ANO4: variants seen among roughly 807,000 people sequenced by gnomAD.
ANO4 encodes anoctamin 4.
Under a neutral mutation model 141.9 loss-of-function variants are expected in ANO4, and 69 were observed. That is an observed-to-expected ratio of 0.49 (90% CI 0.40 to 0.59). The LOEUF is 0.59. Ranked by LOEUF, ANO4 falls within the 20% of genes least tolerant of loss-of-function variation. The pLI, the probability that ANO4 is intolerant of heterozygous loss-of-function variation, is 0.00. For missense variants in ANO4, 894 were observed against 1,162.2 expected (o/e 0.77, Z 3.36); for synonymous variants, 350 against 394.3 (o/e 0.89, Z 1.33).
At chr12:100,852,041 A>G (rs1425812980) in intron 1 of ANO4, among the ~76,000 whole-genome samples, 1 of 152,128 alleles carries the variant, frequency 6.6e-6, no homozygotes, top group East Asian at 1.9e-4. Flanking sequence ...TTTACTCTTA[A>G]TGACACAGGA....
intron 8 of ANO4, among the ~76,000 whole-genome samples, chr12:101,001,056 T>A (rs2045615027): frequency 6.6e-6 from 1 of 152,250 alleles, no homozygotes; most frequent in Admixed American, 6.5e-5. Context: ...TGTATATTTA[T>A]GTGTGCATGT....
At chr12:100,958,130 C>T (rs559374057) in intron 5 of ANO4, among the ~76,000 whole-genome samples, 531 of 152,288 alleles carry the variant, frequency 3.5e-3, no homozygotes, top group Non-Finnish European at 5.5e-3. Flanking sequence ...ACTTATTTGC[C>T]GGGCAAAGCC....
chr12:101,049,588 AG>A (rs1466261782), intron 14 of ANO4, among the ~76,000 whole-genome samples: 2 of 151,786 alleles, frequency 1.3e-5, no homozygotes, highest in African/African-American at 4.8e-5. Flanking sequence ...GATGGATGGA[AG>A]GAAAGAAGGA....
intron 2 of ANO4, among the ~76,000 whole-genome samples, chr12:100,920,707 G>A (rs2041590505): frequency 6.6e-6 from 1 of 152,150 alleles, no homozygotes; most frequent in African/African-American, 2.4e-5. Context: ...TTAAATAGCA[G>A]TTCTTGACAG....
Position 101,086,737 on chromosome 12 carries a change from G to A in ANO4, c.1614G>A (p.Lys538=), listed in dbSNP as rs538206224. 6.2e-7 allele frequency: 1 copy of A among 1,613,868 alleles called. No individual in the cohort carries two copies. Among genetic ancestry groups the A allele is most frequent in the African/African-American group, 1.3e-5 (1 of 75,014 alleles). Residue 538 remains lysine, a synonymous_variant, in exon 17 of 28, where the codon AAG becomes AAA. Coordinates refer to ENST00000392977, the MANE Select transcript of ANO4 (RefSeq NM_001286615.2). The stretch of plus-strand genomic sequence containing the variant: ...CTGTCAGCACTTTCGCTGCCTTTAA[G>A]TGGGCGTTAATCAGGAATAACTCTC... ...VVTVSTFAAF[K]WALIRNNSQV...
chr12:100,882,556 T>G (rs1269183735), intron 1 of ANO4, among the ~76,000 whole-genome samples: 1 of 152,180 alleles, frequency 6.6e-6, no homozygotes, highest in Non-Finnish European at 1.5e-5. Context: ...AACGATGATA[T>G]CTCAGTATGA....
chr12:100,848,075 A>C (rs1244185723), intron 1 of ANO4, among the ~76,000 whole-genome samples: 1 of 152,238 alleles, frequency 6.6e-6, no homozygotes, highest in Admixed American at 6.5e-5. Context: ...GACTTAAAAT[A>C]ATCAAAGTAA....
At chr12:100,855,267 T>C (rs2038104382) in intron 1 of ANO4, among the ~76,000 whole-genome samples, 1 of 152,178 alleles carries the variant, frequency 6.6e-6, no homozygotes, top group Admixed American at 6.5e-5. Flanking sequence ...TTATTGTCAA[T>C]AACTTCTACT....
chr12:100,902,067 A>G (rs2040620131), intron 2 of ANO4, among the ~76,000 whole-genome samples: 1 of 152,228 alleles, frequency 6.6e-6, no homozygotes, highest in Non-Finnish European at 1.5e-5. Context: ...CTATGTGCAC[A>G]GTGGTAGAAT....
chr12:100,733,244 A>G (rs1225087994), intron 1 of ANO4, among the ~76,000 whole-genome samples: 1 of 152,124 alleles, frequency 6.6e-6, no homozygotes, highest in African/African-American at 2.4e-5. Context: ...CTCTTACTGC[A>G]TTCAGCTGCT....
intron 1 of ANO4, among the ~76,000 whole-genome samples, chr12:100,729,051 A>C (rs2031261666): frequency 6.6e-6 from 1 of 151,588 alleles, no homozygotes; most frequent in South Asian, 2.1e-4. Context: ...GCTTTTCTTT[A>C]TAGTTTTACC....
intron 14 of ANO4, among the ~76,000 whole-genome samples, chr12:101,059,994 C>T (rs2048283113): frequency 6.6e-6 from 1 of 152,196 alleles, no homozygotes; most frequent in Admixed American, 6.5e-5. Context: ...ATAGATCTTT[C>T]CCGCTTTCTC....
intron 6 of ANO4, among the ~76,000 whole-genome samples, chr12:100,973,685 T>C (rs891734066): frequency 6.6e-6 from 1 of 152,252 alleles, no homozygotes; most frequent in African/African-American, 2.4e-5. Context: ...TTGTTAAAGT[T>C]GGTGGACCAA....
At chr12:101,101,181 T>C (rs1176708618) in intron 22 of ANO4, among the ~76,000 whole-genome samples, 1 of 152,166 alleles carries the variant, frequency 6.6e-6, no homozygotes, top group East Asian at 1.9e-4. Context: ...GACTTCTTTG[T>C]CCCCTCTTCC....
chr12:100,883,644 C>T lies in ANO4; in HGVS notation c.-140-18002C>T, dbSNP rs1025216374. 2.0e-5 allele frequency among the ~76,000 whole-genome samples: 3 copies of T among 152,238 alleles called. No individual in the cohort carries two copies. In the East Asian group the frequency reaches 5.8e-4, roughly 29 times the overall value. ...TCCTGATCTTGCTGTTCCACATTTA[C>T]TAAATTAGGTACTGGCAAAATGTGA... On this transcript the variant is annotated intron_variant, in intron 1 of 27. Coordinates refer to ENST00000392977, the MANE Select transcript of ANO4 (RefSeq NM_001286615.2).
intron 1 of ANO4, among the ~76,000 whole-genome samples, chr12:100,864,599 G>C (rs1458861783): frequency 5.9e-5 from 9 of 152,040 alleles, no homozygotes; most frequent in South Asian, 2.1e-4. Flanking sequence ...CCCACACACA[G>C]ACACCTTTCA....
chr12:101,114,414 T>A (rs1264241455), intron 24 of ANO4, among the ~76,000 whole-genome samples: 3 of 152,166 alleles, frequency 2.0e-5, no homozygotes, highest in African/African-American at 7.2e-5. Context: ...CTGTACTAGG[T>A]ACACATTTAA....
intron 3 of ANO4, among the ~76,000 whole-genome samples, chr12:100,771,985 T>C (rs1299475387): frequency 3.3e-5 from 5 of 152,146 alleles, no homozygotes; most frequent in African/African-American, 1.2e-4. Flanking sequence ...AAATCACACA[T>C]AGGATTTTGG....
At chr12:100,915,555 G>A (rs940470393) in intron 2 of ANO4, among the ~76,000 whole-genome samples, 2 of 151,990 alleles carry the variant, frequency 1.3e-5, no homozygotes, top group African/African-American at 2.4e-5. Context: ...CTTTATTTTG[G>A]TTTCAATATG....
Sources: allele counts gnomAD v4.1 joint callset (sites outside exome capture counted in the v4.1 genomes callset), GRCh38; gene constraint gnomAD v4.1.1; transcripts MANE v1.5; gene names NCBI Gene and HGNC (gene_info 2026-07-23, HGNC 2026-07-21).